Variants in PDE5A observed in about 807,000 individuals in gnomAD.
The protein encoded by PDE5A is phosphodiesterase 5A.
Under a neutral mutation model 110.2 loss-of-function variants are expected in PDE5A, and 67 were observed. That is an observed-to-expected ratio of 0.61 (90% CI 0.50 to 0.75). The LOEUF is 0.75. Among genes scored for constraint, PDE5A ranks in the 30% least tolerant of loss-of-function variants. The pLI, the probability that PDE5A is intolerant of heterozygous loss-of-function variation, is 0.00. For missense variants in PDE5A, 862 were observed against 1,045.1 expected (o/e 0.82, Z 2.42); for synonymous variants, 328 against 351.2 (o/e 0.93, Z 0.74).
At chr4:119,548,075 G>T (rs2110492036) in intron 9 of PDE5A, 1 of 128,970 alleles carries the variant, frequency 7.8e-6, no homozygotes, top group African/African-American at 2.9e-5. Flanking sequence ...TTGAGACGGA[G>T]TCCCGCTCTT....
chr4:119,525,786 A>C lies in PDE5A; in HGVS notation c.1633-91T>G. The C allele has an allele frequency of 7.7e-7, 1 of 1,299,524 alleles. No individual in the cohort carries two copies. Among genetic ancestry groups the C allele is most frequent in the Admixed American group, 2.3e-5 (1 of 43,348 alleles). 80.5% of individuals were successfully genotyped at this position (1,299,524 alleles called of 1,614,324 possible). On this transcript the variant is annotated intron_variant, in intron 11 of 20. Coordinates refer to ENST00000354960, the MANE Select transcript of PDE5A (RefSeq NM_001083.4). The surrounding 1 kb of genome is among the most constrained non-coding windows in gnomAD (Gnocchi z 4.3). ...TCTTGTTTTGCTGCAGAGAAATAGC[A>C]TATTGTGGCTTTTTTTTCCTTTTTA...
intron 3 of PDE5A, among the ~76,000 whole-genome samples, chr4:119,593,429 C>T (rs775664899): frequency 1.3e-5 from 2 of 152,188 alleles, no homozygotes; most frequent in African/African-American, 4.8e-5. Context: ...ATACATCCAA[C>T]AGTAGGGCTG....
At position 119,504,519 on chromosome 4, in the gene PDE5A, G is replaced by A. The variant is rs1267278988; in HGVS notation, c.2331+17C>T. On this transcript the variant is annotated intron_variant, in intron 18 of 20. Coordinates refer to ENST00000354960, the MANE Select transcript of PDE5A (RefSeq NM_001083.4). Reference sequence around the variant, plus strand: ...TTTTGACTTTTTAATTATTGTTATTGTCACTAAGTAACATACCCGTTGTTG... The same window carrying A: ...TTTTGACTTTTTAATTATTGTTATTATCACTAAGTAACATACCCGTTGTTG... The A allele has an allele frequency of 2.5e-6, 4 of 1,591,608 alleles. No homozygotes were observed. The highest frequency in any genetic ancestry group is 4.5e-5 in the East Asian group (2 of 44,652).
rs199786239 is a variant in PDE5A, at chr4:119,552,584, T to C, written c.1362A>G (p.Thr454=). The change falls in exon 9 of 21, where the codon ACA becomes ACG. Residue 454 remains threonine (T), a synonymous_variant. Coordinates refer to ENST00000354960, the MANE Select transcript of PDE5A (RefSeq NM_001083.4). The part of the protein sequence containing the change: ...NQQCIRSLLC[T]PIKNGKKNKV... Reference sequence around the variant, plus strand: ...TATTCTTCTTTCCATTTTTTATAGGTGTACAAAGCAAACTTCTAATGCACT... The same window carrying C: ...TATTCTTCTTTCCATTTTTTATAGGCGTACAAAGCAAACTTCTAATGCACT... The C allele has an allele frequency of 9.1e-6, 14 of 1,540,926 alleles. No individual in the cohort carries two copies. Among genetic ancestry groups the C allele is most frequent in the Non-Finnish European group, 1.2e-5 (14 of 1,141,852 alleles).
chr4:119,501,536 G>T (rs377258573), intron 19 of PDE5A, among the ~76,000 whole-genome samples: 1 of 152,038 alleles, frequency 6.6e-6, no homozygotes, highest in South Asian at 2.1e-4. Flanking sequence ...TGACCTCAAG[G>T]GATCTGACTG....
intron 3 of PDE5A, among the ~76,000 whole-genome samples, chr4:119,573,085 A>T (rs898941943): frequency 3.3e-5 from 5 of 152,224 alleles, no homozygotes; most frequent in African/African-American, 1.2e-4. Flanking sequence ...AGATCAATTC[A>T]TATAAATCTG....
Position 119,562,828 on chromosome 4 carries a change from C to T in PDE5A, c.1131+5G>A. ...AAAAATAAAAAAGTCATACTCTGTA[C>T]TCACGGAGCAATCTTCATCCACTAT... On this transcript the variant is annotated splice_donor_5th_base_variant and intron_variant, in intron 6 of 20. Transcript: ENST00000354960. The T allele has an allele frequency of 6.4e-7, 1 of 1,559,682 alleles. No individual in the cohort carries two copies. Among genetic ancestry groups the T allele is most frequent in the Non-Finnish European group, 8.6e-7 (1 of 1,159,352 alleles).
chr4:119,621,647 TAGACAGAC>T (rs3056860), intron 1 of PDE5A, among the ~76,000 whole-genome samples: 16 of 151,670 alleles, frequency 1.1e-4, no homozygotes, highest in Admixed American at 1.0e-3. Flanking sequence ...CATAGATAGA[TAGACAGAC>T]AGATAGATAG....
chr4:119,539,417 C>T (rs1726845967), intron 10 of PDE5A, among the ~76,000 whole-genome samples: 1 of 151,810 alleles, frequency 6.6e-6, no homozygotes, highest in African/African-American at 2.4e-5. Flanking sequence ...AAAATCTCTG[C>T]ATAATCTGAC....
At chr4:119,556,504 T>C (rs961979215) in intron 7 of PDE5A, among the ~76,000 whole-genome samples, 1 of 152,254 alleles carries the variant, frequency 6.6e-6, no homozygotes, top group Non-Finnish European at 1.5e-5. Flanking sequence ...CTGAGCTGGC[T>C]ACCTCTGGGC....
At chr4:119,508,082 A>G (rs1398944784) in intron 15 of PDE5A, among the ~76,000 whole-genome samples, 1 of 151,978 alleles carries the variant, frequency 6.6e-6, no homozygotes, top group East Asian at 1.9e-4. Flanking sequence ...AAGTGGTAAA[A>G]TTTTTAAACT....
chr4:119,562,822 T>C lies in PDE5A; in HGVS notation c.1131+11A>G, dbSNP rs767320424. On this transcript the variant is annotated intron_variant, in intron 6 of 20. Transcript: ENST00000354960. ...CTTTCTAAAAATAAAAAAGTCATAC[T>C]CTGTACTCACGGAGCAATCTTCATC... 6.5e-7 allele frequency: 1 copy of C among 1,550,312 alleles called. No homozygotes were observed. The highest frequency in any genetic ancestry group is 2.2e-5 in the Admixed American group (1 of 45,790).
intron 19 of PDE5A, 103 bp downstream of exon 19, chr4:119,502,478 A>T: frequency 3.1e-6 from 2 of 655,428 alleles, no homozygotes; most frequent in Non-Finnish European, 5.3e-6. Context: ...ATAAAATGAG[A>T]AATTGTGGTC....
intron 10 of PDE5A, chr4:119,541,899 A>G (rs1187316889): frequency 1.3e-5 from 2 of 152,196 alleles, no homozygotes; most frequent in Non-Finnish European, 2.9e-5. Context: ...TCTACCCAAG[A>G]CTTGCTGAAT....
intron 3 of PDE5A, among the ~76,000 whole-genome samples, chr4:119,595,932 A>G (rs1326012359): frequency 6.6e-6 from 1 of 152,172 alleles, no homozygotes; most frequent in Non-Finnish European, 1.5e-5. Flanking sequence ...GCTCAATTGA[A>G]ATATTCAGTT....
At chr4:119,603,392 A>G (rs1361853158) in intron 2 of PDE5A, among the ~76,000 whole-genome samples, 2 of 141,360 alleles carry the variant, frequency 1.4e-5, no homozygotes. Context: ...ACATACATAC[A>G]TACATACATA....
At position 119,569,356 on chromosome 4, in the gene PDE5A, T is replaced by C. The variant is rs1728060027; in HGVS notation, c.832-2212A>G. Among the ~76,000 whole-genome samples, 2 of 152,152 alleles carry C rather than the reference T, an allele frequency of 1.3e-5. 1 individual carries two copies. The highest frequency in any genetic ancestry group is 2.9e-5 in the Non-Finnish European group (2 of 68,028). ...TAGAAGAAATAAATTAAATGTTTTATAGTATAGGAGGGTGACTATACTTAA... is the reference window on the plus strand; with the variant it reads ...TAGAAGAAATAAATTAAATGTTTTACAGTATAGGAGGGTGACTATACTTAA... On this transcript the variant is annotated intron_variant, in intron 3 of 20. Transcript: ENST00000354960.
Position 119,523,001 on chromosome 4 carries a change from A to G in PDE5A, c.1780-1941T>C, listed in dbSNP as rs368984473. On this transcript the variant is annotated intron_variant, in intron 12 of 20. Coordinates refer to ENST00000354960, the MANE Select transcript of PDE5A (RefSeq NM_001083.4). The stretch of plus-strand genomic sequence containing the variant: ...CTTAGCTCCTGCTTCAAGAAACTCA[A>G]TCAGTAGTGAAAAATAACAAAATTG... 7.2e-5 allele frequency among the ~76,000 whole-genome samples: 11 copies of G among 152,100 alleles called. No homozygotes were observed. The East Asian group carries it at 9.6e-4, about 13-fold the overall frequency.
chr4:119,600,812 A>T (rs1311821296), intron 2 of PDE5A, among the ~76,000 whole-genome samples: 7 of 152,200 alleles, frequency 4.6e-5, no homozygotes, highest in African/African-American at 1.7e-4. Flanking sequence ...GTGGATGCTA[A>T]AGCTGGTCAA....
Sources: allele counts gnomAD v4.1 joint callset (sites outside exome capture counted in the v4.1 genomes callset), GRCh38; gene constraint gnomAD v4.1.1; non-coding constraint Gnocchi (gnomAD v3.1); transcripts MANE v1.5; gene names NCBI Gene and HGNC (gene_info 2026-07-23, HGNC 2026-07-21).